YEATS2: variants seen among roughly 807,000 people sequenced by gnomAD.
YEATS2 encodes the protein YEATS domain containing 2.
Under a neutral mutation model 163.2 loss-of-function variants are expected in YEATS2, and 77 were observed. That is an observed-to-expected ratio of 0.47 (90% CI 0.39 to 0.57). YEATS2 has a LOEUF of 0.57. YEATS2 is among the 20% of genes least tolerant of loss of function. YEATS2 has a pLI of 0.00. For synonymous variants in YEATS2, 631 were observed against 645.1 expected, an observed-to-expected ratio of 0.98 and a Z score of 0.33; for missense variants, 1,549 against 1,729.8, an observed-to-expected ratio of 0.90 and a Z score of 1.85.
At chr3:183,737,440 A>G (rs554627044) in intron 8 of YEATS2, among the ~76,000 whole-genome samples, 2 of 152,332 alleles carry the variant, frequency 1.3e-5, no homozygotes, top group Non-Finnish European at 2.9e-5. Context: ...AGAGAGAGAG[A>G]GAATCACTTT....
At position 183,717,039 on chromosome 3, in the gene YEATS2, C is replaced by T. The variant is rs568786514; in HGVS notation, c.101-612C>T. Among the ~76,000 whole-genome samples, 18 of 152,000 alleles carry T rather than the reference C, an allele frequency of 1.2e-4. No homozygotes were observed. In the South Asian group the frequency reaches 2.9e-3, roughly 25 times the overall value. On this transcript the variant is annotated intron_variant, in intron 2 of 30. Transcript: ENST00000305135. The stretch of plus-strand genomic sequence containing the variant: ...TCCCAAGTAGCTGGGATTACAGGTA[C>T]CCCCCACTACGCCCAGCTAGTTTTT...
chr3:183,732,316 G>A (rs1034866344), intron 7 of YEATS2, among the ~76,000 whole-genome samples: 7 of 151,724 alleles, frequency 4.6e-5, no homozygotes, highest in East Asian at 4.0e-4. Flanking sequence ...AGCCATGCCC[G>A]GTGGCGTGTG....
intron 20 of YEATS2, 61 bp downstream of exon 20, chr3:183,786,362 G>C: frequency 6.6e-7 from 1 of 1,513,106 alleles, no homozygotes; most frequent in Non-Finnish European, 8.9e-7. Context: ...TAGATACAAG[G>C]AAGGTGTCCA....
At chr3:183,738,165 T>G (rs1178179396) in intron 8 of YEATS2, among the ~76,000 whole-genome samples, 2 of 152,100 alleles carry the variant, frequency 1.3e-5, no homozygotes, top group African/African-American at 2.4e-5. Context: ...TTCCCTCTTT[T>G]GGGGCCTTCC....
At chr3:183,735,298 A>G (rs557826562) in intron 7 of YEATS2, among the ~76,000 whole-genome samples, 1 of 152,338 alleles carries the variant, frequency 6.6e-6, no homozygotes, top group African/African-American at 2.4e-5. Context: ...AATTGACTCA[A>G]GTCCACCATG....
At chr3:183,745,836 T>C (rs1719479894) in intron 8 of YEATS2, among the ~76,000 whole-genome samples, 1 of 152,068 alleles carries the variant, frequency 6.6e-6, no homozygotes, top group Admixed American at 6.6e-5. Flanking sequence ...TTTTCTGTTT[T>C]GTTTGTTTGT....
intron 28 of YEATS2, 60 bp downstream of exon 28, chr3:183,807,152 C>T (rs762163639): frequency 1.1e-5 from 17 of 1,486,906 alleles, no homozygotes; most frequent in Admixed American, 3.9e-5. Flanking sequence ...GATGTTCAGA[C>T]GTTCAGCTTC....
intron 9 of YEATS2, among the ~76,000 whole-genome samples, chr3:183,749,005 T>G (rs747396318): frequency 3.3e-5 from 5 of 151,868 alleles, no homozygotes; most frequent in Non-Finnish European, 7.4e-5. Context: ...TGCGGTGGCG[T>G]GATCTCCACT....
intron 1 of YEATS2, among the ~76,000 whole-genome samples, chr3:183,712,226 T>TATGTTATGTTATG: frequency 7.5e-5 from 11 of 147,206 alleles, no homozygotes; most frequent in African/African-American, 2.3e-4. Context: ...TATTTTATTT[T>TATGTTATGTTATG]TTGAGACAGA....
At chr3:183,748,471 C>T (rs974173164) in intron 9 of YEATS2, among the ~76,000 whole-genome samples, 16 of 152,090 alleles carry the variant, frequency 1.1e-4, no homozygotes, top group Admixed American at 5.9e-4. Flanking sequence ...AGGCTGCTCT[C>T]GAACTGCTGA....
At chr3:183,809,806 A>G (rs1270548174) in intron 30 of YEATS2, among the ~76,000 whole-genome samples, 2 of 152,256 alleles carry the variant, frequency 1.3e-5, no homozygotes, top group East Asian at 3.8e-4. Context: ...GCATTATGCT[A>G]AAGGCTGTCA....
At chr3:183,718,313 T>C (rs1429597314) in intron 3 of YEATS2, among the ~76,000 whole-genome samples, 187 bp from the exon 4 acceptor site, 2 of 152,248 alleles carry the variant, frequency 1.3e-5, no homozygotes, top group East Asian at 3.8e-4. Flanking sequence ...GCAACACTTT[T>C]GTCTTTCTCT....
chr3:183,731,982 C>T (rs753858148), intron 7 of YEATS2, among the ~76,000 whole-genome samples: 8 of 151,928 alleles, frequency 5.3e-5, no homozygotes, highest in Non-Finnish European at 8.8e-5. Flanking sequence ...TTATTGGTTA[C>T]GTGCTTCTGG....
intron 9 of YEATS2, among the ~76,000 whole-genome samples, chr3:183,750,063 A>G (rs532927847): frequency 2.6e-5 from 4 of 151,738 alleles, no homozygotes; most frequent in East Asian, 1.9e-4. Flanking sequence ...TGACCTCATG[A>G]TCTGCCTGCC....
At chr3:183,741,375 T>G (rs970916812) in intron 8 of YEATS2, among the ~76,000 whole-genome samples, 1 of 152,206 alleles carries the variant, frequency 6.6e-6, no homozygotes, top group Non-Finnish European at 1.5e-5. Context: ...ACACATCTGT[T>G]TATAGCATGG....
At chr3:183,716,454 C>T (rs943709494) in intron 2 of YEATS2, among the ~76,000 whole-genome samples, 2 of 152,134 alleles carry the variant, frequency 1.3e-5, no homozygotes, top group South Asian at 4.1e-4. Context: ...TGAAGTCCTA[C>T]GTATCCCCAG....
intron 19 of YEATS2, 39 bp downstream of exon 19, chr3:183,777,739 T>G (rs1184678458): frequency 1.9e-6 from 3 of 1,573,502 alleles, no homozygotes. Context: ...TATGGGGTGA[T>G]TATGGCATTT....
chr3:183,757,871 A>G (rs1577125854), intron 12 of YEATS2, among the ~76,000 whole-genome samples: 1 of 152,164 alleles, frequency 6.6e-6, no homozygotes, highest in East Asian at 1.9e-4. Flanking sequence ...CCTTTCGAAC[A>G]TACTTAAGGA....
At chr3:183,751,484 G>T (rs1720160074) in intron 9 of YEATS2, among the ~76,000 whole-genome samples, 1 of 152,188 alleles carries the variant, frequency 6.6e-6, no homozygotes, top group African/African-American at 2.4e-5. Context: ...GAAATCTGCT[G>T]TATTATATCA....
Sources: allele counts gnomAD v4.1 joint callset (sites outside exome capture counted in the v4.1 genomes callset), GRCh38; gene constraint gnomAD v4.1.1; transcripts MANE v1.5; gene names NCBI Gene and HGNC (gene_info 2026-07-23, HGNC 2026-07-21).